The following ESR2 variants were observed in gnomAD, a reference collection of about 807,000 sequenced individuals.
ESR2 encodes estrogen receptor beta.
Under a neutral mutation model 49.6 loss-of-function variants are expected in ESR2, and 36 were observed. The observed-to-expected ratio is 0.73, with a 90% confidence interval of 0.56 to 0.96. The LOEUF (loss-of-function observed/expected upper bound fraction) is 0.96, where lower values mean the gene tolerates loss of function less well. Ranked by LOEUF, ESR2 falls within the 40% of genes least tolerant of loss-of-function variation. ESR2 has a pLI of 0.00. For synonymous variants in ESR2, 320 were observed against 266.1 expected (o/e 1.20, Z -1.97); for missense variants, 714 against 693.0 (o/e 1.03, Z -0.34).
In ESR2 at chr14:64,233,236, G is replaced by C; in HGVS notation, c.1494C>G (p.His498Gln). 1 of 1,614,186 alleles carries C rather than the reference G, an allele frequency of 6.2e-7. No homozygotes were observed. Among genetic ancestry groups the C allele is most frequent in the Non-Finnish European group, 8.5e-7 (1 of 1,180,026 alleles). Reference protein sequence around the residue: ...YDLLLEMLNAHVLRGCKSSIT... With the variant: ...YDLLLEMLNAQVLRGCKSSIT... Reference sequence around the variant, plus strand: ...TGGAGGACTTGCACCCGCGAAGCACGTGGGCATTCAGCATCTCCAGCAGCA... The same window carrying C: ...TGGAGGACTTGCACCCGCGAAGCACCTGGGCATTCAGCATCTCCAGCAGCA... The change falls in exon 9 of 9, where the codon CAC (histidine) becomes CAG (glutamine). Residue 498 changes from histidine to glutamine, a missense_variant. Coordinates refer to ENST00000341099, the MANE Select transcript of ESR2 (RefSeq NM_001437.3).
chr14:64,275,674 G>A (rs1180218962), intron 3 of ESR2, among the ~76,000 whole-genome samples: 1 of 151,810 alleles, frequency 6.6e-6, no homozygotes, highest in African/African-American at 2.4e-5. Flanking sequence ...TTACACTCCA[G>A]CCTGGATGAC....
At chr14:64,290,702 C>T (rs1479533801) in intron 1 of ESR2, among the ~76,000 whole-genome samples, 1 of 152,162 alleles carries the variant, frequency 6.6e-6, no homozygotes, top group Non-Finnish European at 1.5e-5. Flanking sequence ...CACACCCAGC[C>T]TTTTTAAATA....
intron 1 of ESR2, among the ~76,000 whole-genome samples, chr14:64,290,192 C>T (rs1415232930): frequency 2.6e-5 from 4 of 151,968 alleles, no homozygotes; most frequent in African/African-American, 9.7e-5. Flanking sequence ...CAAACTCAGC[C>T]CCCCAAGTAG....
At chr14:64,233,398 C>T in intron 8 of ESR2, 75 bp from the exon 9 acceptor site, 2 of 1,458,678 alleles carry the variant, frequency 1.4e-6, no homozygotes, top group South Asian at 2.5e-5. Context: ...CCCCGGCTCT[C>T]TTTGCTCAGA....
chr14:64,267,403 T>C (rs1440283926), intron 4 of ESR2, among the ~76,000 whole-genome samples: 1 of 152,162 alleles, frequency 6.6e-6, no homozygotes, highest in Non-Finnish European at 1.5e-5. Flanking sequence ...CTATGGGCAC[T>C]GGCAGGATGT....
intron 1 of ESR2, among the ~76,000 whole-genome samples, chr14:64,314,838 A>T (rs980381018): frequency 1.4e-5 from 2 of 139,252 alleles, no homozygotes; most frequent in African/African-American, 2.7e-5. Flanking sequence ...AGATCACACT[A>T]CTGCACTCTG....
At chr14:64,234,862 G>T in intron 8 of ESR2, 108 bp downstream of exon 8, 1 of 1,523,348 alleles carries the variant, frequency 6.6e-7, no homozygotes, top group African/African-American at 1.4e-5. Context: ...TCCCTTTCAG[G>T]CATTCATTTT....
At chr14:64,337,737 CAG>C (rs1392644171) in intron 1 of ESR2, among the ~76,000 whole-genome samples, 1 of 152,102 alleles carries the variant, frequency 6.6e-6, no homozygotes, top group African/African-American at 2.4e-5. Context: ...AAAATATCCT[CAG>C]AATATAGGAA....
intron 3 of ESR2, among the ~76,000 whole-genome samples, chr14:64,269,555 T>C (rs992219097): frequency 2.0e-5 from 3 of 152,298 alleles, no homozygotes; most frequent in African/African-American, 7.2e-5. Context: ...TAGCCAATGA[T>C]ATATCAATAG....
intron 1 of ESR2, among the ~76,000 whole-genome samples, chr14:64,308,831 G>A (rs966507632): frequency 3.3e-5 from 5 of 152,044 alleles, no homozygotes; most frequent in Non-Finnish European, 7.4e-5. Context: ...AGGCTGGAGT[G>A]CAGTGGTGCT....
At chr14:64,264,201 T>C (rs975112083) in intron 4 of ESR2, among the ~76,000 whole-genome samples, 3 of 152,228 alleles carry the variant, frequency 2.0e-5, no homozygotes, top group Non-Finnish European at 2.9e-5. Context: ...ACTAAATCAA[T>C]TGTTTACATT....
chr14:64,307,785 C>T (rs1024299060), intron 1 of ESR2, among the ~76,000 whole-genome samples: 6 of 152,120 alleles, frequency 3.9e-5, no homozygotes, highest in Non-Finnish European at 5.9e-5. Flanking sequence ...CCACCCGCCT[C>T]GGCCTCCAAA....
At chr14:64,321,187 G>C (rs922497693) in intron 1 of ESR2, among the ~76,000 whole-genome samples, 1 of 151,532 alleles carries the variant, frequency 6.6e-6, no homozygotes, top group Non-Finnish European at 1.5e-5. Flanking sequence ...AGATGCAAAA[G>C]ACTACATATT....
intron 5 of ESR2, chr14:64,260,213 G>T (rs749642991): frequency 2.7e-6 from 2 of 743,592 alleles, no homozygotes; most frequent in Admixed American, 1.8e-5. Context: ...CTACCATGTT[G>T]GGTACAGAAC....
intron 2 of ESR2, 76 bp from the exon 3 acceptor site, chr14:64,280,229 ATG>A: frequency 9.9e-7 from 1 of 1,008,968 alleles, no homozygotes; most frequent in Non-Finnish European, 1.5e-6. Context: ...AAAAAATAGC[ATG>A]AACATTGCCT....
chr14:64,325,802 T>C (rs948394333), intron 1 of ESR2, among the ~76,000 whole-genome samples: 1 of 152,170 alleles, frequency 6.6e-6, no homozygotes, highest in African/African-American at 2.4e-5. Flanking sequence ...TATTTTTTCT[T>C]CTTTATGATT....
At chr14:64,298,387 C>G (rs899979681), upstream of ESR2, 1 of 152,142 alleles carries the variant, frequency 6.6e-6, no homozygotes, top group Admixed American at 6.5e-5. Context: ...CCAACTTTAC[C>G]TACCTACCTG....
At chr14:64,253,431 T>G (rs549780751) in intron 6 of ESR2, among the ~76,000 whole-genome samples, 3 of 152,238 alleles carry the variant, frequency 2.0e-5, no homozygotes, top group Admixed American at 6.5e-5. Context: ...CCTCAGGTGA[T>G]CCACCCATCT....
intron 6 of ESR2, among the ~76,000 whole-genome samples, chr14:64,253,222 G>T (rs1382763267): frequency 6.6e-6 from 1 of 151,370 alleles, no homozygotes; most frequent in Non-Finnish European, 1.5e-5. Context: ...ATGGAGTCTT[G>T]CTCTGTCGCC....
Sources: gnomAD v4.1 joint callset for allele counts (sites outside exome capture counted in the v4.1 genomes callset) on GRCh38, gnomAD v4.1.1 for gene constraint, MANE v1.5 for transcripts, NCBI Gene and HGNC (gene_info 2026-07-23, HGNC 2026-07-21) for gene names.